The following CTPS1 variants were observed in gnomAD, a reference collection of about 807,000 sequenced individuals.
The protein encoded by CTPS1 is CTP synthetase 1.
Under a neutral mutation model 80.5 loss-of-function variants are expected in CTPS1, and 25 were observed. That is an observed-to-expected ratio of 0.31 (90% CI 0.23 to 0.43). CTPS1 has a LOEUF of 0.43. CTPS1 is among the 20% of genes least tolerant of loss of function. The pLI is 1.00. For synonymous variants in CTPS1, 267 were observed against 252.5 expected (o/e 1.06, Z -0.54); for missense variants, 442 against 725.7 (o/e 0.61, Z 4.49).
intron 5 of CTPS1, among the ~76,000 whole-genome samples, chr1:40,990,080 C>CG (rs1642563664): frequency 6.6e-6 from 1 of 152,120 alleles, no homozygotes; most frequent in Non-Finnish European, 1.5e-5. Context: ...CCTACCCCCC[C>CG]GTATTTGGAA....
Position 41,006,713 on chromosome 1 carries a change from A to C in CTPS1, c.1296+619A>C, listed in dbSNP as rs115338926. On this transcript the variant is annotated intron_variant, in intron 13 of 18. Transcript: ENST00000650070. ...CAGGGATGTAAAGGGAAGGGCACTTATTTACGTTTTTCAGCAGTCAGCAAA... is the reference window on the plus strand; with the variant it reads ...CAGGGATGTAAAGGGAAGGGCACTTCTTTACGTTTTTCAGCAGTCAGCAAA... 2.6e-3 allele frequency among the ~76,000 whole-genome samples: 394 copies of C among 152,248 alleles called. 1 individual carries two copies. The highest frequency in any genetic ancestry group is 8.8e-3 in the African/African-American group (366 of 41,544).
In CTPS1 at chr1:41,002,240, A is replaced by G; in HGVS notation, c.1175A>G (p.Lys392Arg). The G allele has an allele frequency of 6.2e-7, 1 of 1,614,172 alleles. No individual in the cohort carries two copies. The highest frequency in any genetic ancestry group is 8.5e-7 in the Non-Finnish European group (1 of 1,180,014). The stretch of plus-strand genomic sequence containing the variant: ...GCAATTGCCTGGGCTCGGAATCAGA[A>G]AAAGCCTTTTTTGGGTAAGGAGCTC... ...IQAIAWARNQ[K>R]KPFLGVCLGM... The change falls in exon 11 of 19, where the codon AAA becomes AGA. Residue 392 changes from lysine (K) to arginine (R), a missense_variant. Transcript: ENST00000650070.
At chr1:40,998,465 C>G (rs950039882) in intron 9 of CTPS1, among the ~76,000 whole-genome samples, 11 of 149,688 alleles carry the variant, frequency 7.3e-5, no homozygotes, top group Non-Finnish European at 1.6e-4. Flanking sequence ...GATTCTAGCT[C>G]TGTCATCTAC....
chr1:40,990,665 A>T (rs1163205031), intron 5 of CTPS1, among the ~76,000 whole-genome samples: 2 of 152,162 alleles, frequency 1.3e-5, no homozygotes, highest in Non-Finnish European at 2.9e-5. Flanking sequence ...TTTCCATCCT[A>T]CAAGTCCATG....
rs538430419 is a variant in CTPS1, at chr1:40,985,232, A to G, written c.337+241A>G. 8.0e-4 allele frequency among the ~76,000 whole-genome samples: 122 copies of G among 152,382 alleles called. 1 individual carries two copies. Among genetic ancestry groups the G allele is most frequent in the South Asian group, 6.2e-3 (30 of 4,834 alleles). On this transcript the variant is annotated intron_variant, in intron 3 of 18. Transcript: ENST00000650070. ...ACTACTTCTTCGTTGAAGCTTGTCA[A>G]TTCTGCTAAGGCAGCATGATACGAG...
rs1570937177 is a variant in CTPS1, at chr1:40,983,052, A to G, written c.-13-226A>G. 5 of 390,304 alleles carry G rather than the reference A, an allele frequency of 1.3e-5. No individual in the cohort carries two copies. The East Asian group carries it at 2.1e-4, about 16-fold the overall frequency. 24.2% of individuals were successfully genotyped at this position (390,304 alleles called of 1,614,324 possible). A position where few individuals can be genotyped will look rare whatever the true frequency, so the allele number is the denominator to read the frequency against. ...TAAACAAAAGCTGTGTTATTAGAGT[A>G]GCAGTTGTTTTTCTACACGTATTTG... On this transcript the variant is annotated intron_variant, in intron 1 of 18. Coordinates refer to ENST00000650070, the MANE Select transcript of CTPS1 (RefSeq NM_001905.4).
At chr1:40,984,293 G>A (rs945278912) in intron 2 of CTPS1, among the ~76,000 whole-genome samples, 1 of 152,210 alleles carries the variant, frequency 6.6e-6, no homozygotes, top group African/African-American at 2.4e-5. Flanking sequence ...CTAGAGTGAA[G>A]TTTCATGGAA....
At chr1:40,991,291 CTAGTT>C in intron 6 of CTPS1, 43 bp downstream of exon 6, 1 of 1,421,172 alleles carries the variant, frequency 7.0e-7, no homozygotes, top group South Asian at 1.3e-5. Context: ...TCTTTTATGT[CTAGTT>C]AAGATCACTC....
chr1:41,005,577 T>G (rs1025833147), intron 12 of CTPS1, among the ~76,000 whole-genome samples: 1 of 152,210 alleles, frequency 6.6e-6, no homozygotes. Flanking sequence ...CGTAAAAAAA[T>G]TCACGTGTGT....
intron 10 of CTPS1, 73 bp downstream of exon 10, chr1:41,001,190 C>G (rs1642895534): frequency 7.7e-6 from 8 of 1,044,664 alleles, no homozygotes; most frequent in Non-Finnish European, 1.1e-5. Flanking sequence ...CTCTTGTTTT[C>G]ATGTGCCAGT....
chr1:40,998,649 C>A (rs549487764), intron 9 of CTPS1, among the ~76,000 whole-genome samples: 46 of 152,290 alleles, frequency 3.0e-4, no homozygotes, highest in African/African-American at 1.1e-3. Context: ...TGTCGTTAAA[C>A]CCTCCCTTCT....
At chr1:40,988,135 A>G (rs966294755) in intron 4 of CTPS1, among the ~76,000 whole-genome samples, 4 of 152,072 alleles carry the variant, frequency 2.6e-5, no homozygotes, top group African/African-American at 9.7e-5. Context: ...GATGGTCTCT[A>G]ACTCCTGAAC....
chr1:41,004,550 A>C (rs1306242197), intron 12 of CTPS1, among the ~76,000 whole-genome samples: 1 of 152,198 alleles, frequency 6.6e-6, no homozygotes, highest in African/African-American at 2.4e-5. Flanking sequence ...CTTACACTTC[A>C]GTTGAGACTG....
intron 7 of CTPS1, among the ~76,000 whole-genome samples, chr1:40,993,365 T>TAA (rs1570955822): frequency 6.6e-6 from 1 of 152,074 alleles, no homozygotes; most frequent in East Asian, 1.9e-4. Context: ...CTTTTTTTTT[T>TAA]AAGAGACAAG....
chr1:41,006,462 A>G (rs975192276), intron 13 of CTPS1, among the ~76,000 whole-genome samples: 9 of 152,150 alleles, frequency 5.9e-5, no homozygotes, highest in Admixed American at 5.2e-4. Flanking sequence ...CACTGCTTTC[A>G]TATGTATATT....
chr1:40,984,151 T>TA lies in CTPS1; in HGVS notation c.167-669dup, dbSNP rs151102729. Among the ~76,000 whole-genome samples, 603 of 152,324 alleles carry TA rather than the reference T, an allele frequency of 4.0e-3. 3 individuals are homozygous for TA. Among genetic ancestry groups the TA allele is most frequent in the African/African-American group, 0.013 (561 of 41,574 alleles). ...GGAAAAGATCCATATACCTGAGTGA[T>TA]ATTTAATACAGAATTCTTGAGCAGA... On this transcript the variant is annotated intron_variant, in intron 2 of 18. Transcript: ENST00000650070.
chr1:40,995,571 T>C (rs1349316713), intron 7 of CTPS1, among the ~76,000 whole-genome samples: 1 of 152,112 alleles, frequency 6.6e-6, no homozygotes, highest in African/African-American at 2.4e-5. Context: ...CTAAATTTTG[T>C]ATTTTTTTGT....
At chr1:40,988,338 A>C (rs763505405) in intron 4 of CTPS1, among the ~76,000 whole-genome samples, 1 of 148,122 alleles carries the variant, frequency 6.8e-6, no homozygotes, top group Non-Finnish European at 1.5e-5. Context: ...CACCTCTCTC[A>C]TCTGACCTTT....
At chr1:41,004,024 ACT>A (rs1642971536) in intron 12 of CTPS1, 2 of 152,242 alleles carry the variant, frequency 1.3e-5, no homozygotes, top group Non-Finnish European at 2.9e-5. Flanking sequence ...TTATGCAGGC[ACT>A]TATCAGGCCT....
Sources: allele counts gnomAD v4.1 joint callset (sites outside exome capture counted in the v4.1 genomes callset), GRCh38; gene constraint gnomAD v4.1.1; transcripts MANE v1.5; gene names NCBI Gene and HGNC (gene_info 2026-07-23, HGNC 2026-07-21).